The following SYT9 variants were observed in gnomAD, a reference collection of about 807,000 sequenced individuals.
SYT9 encodes the protein synaptotagmin 9.
In SYT9, 22 loss-of-function variants were observed where a neutral mutation model predicts 48.4. That is an observed-to-expected ratio of 0.45 (90% CI 0.32 to 0.65). The LOEUF (loss-of-function observed/expected upper bound fraction) is 0.65. Ranked by LOEUF, SYT9 falls within the 30% of genes least tolerant of loss-of-function variation. The probability of loss-of-function intolerance (pLI) is 0.03; values close to 1 mark genes in which losing one functional copy is unlikely to be tolerated. For synonymous variants in SYT9, 265 were observed against 245.0 expected, an observed-to-expected ratio of 1.08 and a Z score of -0.76; for missense variants, 577 against 622.0, an observed-to-expected ratio of 0.93 and a Z score of 0.77.
At position 7,313,909 on chromosome 11, in the gene SYT9, A is replaced by AT; in HGVS notation, c.1013dup (p.Leu339ProfsTer11). 1 of 1,613,694 alleles carries AT rather than the reference A, an allele frequency of 6.2e-7. No individual in the cohort carries two copies. The highest frequency in any genetic ancestry group is 8.5e-7 in the Non-Finnish European group (1 of 1,179,910). On this transcript the variant is annotated frameshift_variant, in exon 3 of 7. Coordinates refer to ENST00000318881, the MANE Select transcript of SYT9 (RefSeq NM_175733.4). LOFTEE classifies it high-confidence loss of function. ...CTTGGCTGATTTCCCCAGGGAGTGC[A>AT]TCCTTTGGAAGGATATCGAATATGT...
chr11:7,296,492 T>C (rs1006768481), intron 1 of SYT9, among the ~76,000 whole-genome samples: 1 of 152,238 alleles, frequency 6.6e-6, no homozygotes, highest in African/African-American at 2.4e-5. Flanking sequence ...TGGATCTAAG[T>C]TCTCCTTCAC....
chr11:7,429,614 AC>A (rs766375844), intron 6 of SYT9, among the ~76,000 whole-genome samples: 8 of 152,234 alleles, frequency 5.3e-5, no homozygotes, highest in Non-Finnish European at 8.8e-5. Context: ...TATTTAGGAT[AC>A]AGGTGAACAC....
At chr11:7,263,410 A>G (rs899695968) in intron 1 of SYT9, among the ~76,000 whole-genome samples, 8 of 152,148 alleles carry the variant, frequency 5.3e-5, no homozygotes, top group Admixed American at 3.9e-4. Context: ...AAAGGCCCCA[A>G]CTCTTAGCAT....
At chr11:7,369,230 T>C (rs11605692) in intron 3 of SYT9, among the ~76,000 whole-genome samples, 74,616 of 151,746 alleles carry the variant, frequency 0.49, 18,694 homozygotes, top group South Asian at 0.69. Context: ...TCTCTAATGA[T>C]GATGAGCTTT....
intron 1 of SYT9, among the ~76,000 whole-genome samples, chr11:7,299,875 C>T (rs542071530): frequency 1.4e-4 from 21 of 152,184 alleles, no homozygotes; most frequent in African/African-American, 4.8e-4. Flanking sequence ...TAAAGTGAGG[C>T]AGAACTTCAA....
intron 3 of SYT9, among the ~76,000 whole-genome samples, chr11:7,317,535 T>C (rs1849263843): frequency 6.6e-6 from 1 of 152,136 alleles, no homozygotes; most frequent in Non-Finnish European, 1.5e-5. Flanking sequence ...ACACTAATCC[T>C]ACAATGGGGG....
At chr11:7,335,938 A>C (rs970442121) in intron 3 of SYT9, among the ~76,000 whole-genome samples, 3 of 152,178 alleles carry the variant, frequency 2.0e-5, no homozygotes, top group Non-Finnish European at 4.4e-5. Flanking sequence ...ACGATGGTTG[A>C]ACTAATTTAC....
intron 1 of SYT9, among the ~76,000 whole-genome samples, chr11:7,279,895 C>G (rs142176110): frequency 2.4e-4 from 37 of 152,326 alleles, no homozygotes; most frequent in African/African-American, 8.9e-4. Flanking sequence ...GCCACTTATG[C>G]TGCAAAAGCA....
chr11:7,455,863 C>A (rs1360914489), intron 6 of SYT9, among the ~76,000 whole-genome samples: 1 of 152,076 alleles, frequency 6.6e-6, no homozygotes, highest in East Asian at 1.9e-4. Context: ...ATGGCCTTTC[C>A]CTGGGTCATG....
At chr11:7,441,390 ACTT>A (rs1456431949) in intron 6 of SYT9, 1 of 152,174 alleles carries the variant, frequency 6.6e-6, no homozygotes, top group African/African-American at 2.4e-5. Flanking sequence ...CAAAGTGAAA[ACTT>A]CTCCAGTTGC....
upstream of SYT9, among the ~76,000 whole-genome samples, chr11:7,247,581 A>G (rs61880867): frequency 0.22 from 31,576 of 146,552 alleles, 4,377 homozygotes; most frequent in Admixed American, 0.3. Flanking sequence ...ACATATACAT[A>G]TATATGTGTA....
intron 3 of SYT9, among the ~76,000 whole-genome samples, chr11:7,344,270 T>G (rs1406800330): frequency 1.3e-5 from 2 of 152,116 alleles, no homozygotes; most frequent in African/African-American, 4.8e-5. Context: ...TATTATTGAG[T>G]TGTGAGAGCT....
chr11:7,261,005 G>C (rs1412507792), intron 1 of SYT9, among the ~76,000 whole-genome samples: 1 of 152,202 alleles, frequency 6.6e-6, no homozygotes, highest in African/African-American at 2.4e-5. Flanking sequence ...GGGCCCAAGA[G>C]GGAATACGCA....
intron 3 of SYT9, among the ~76,000 whole-genome samples, chr11:7,386,182 G>A (rs1245207330): frequency 6.6e-6 from 1 of 151,808 alleles, no homozygotes; most frequent in Non-Finnish European, 1.5e-5. Flanking sequence ...ATATAAAAAA[G>A]CAATTTAAAC....
At chr11:7,264,060 CAG>C (rs1400406974) in intron 1 of SYT9, among the ~76,000 whole-genome samples, 1 of 151,990 alleles carries the variant, frequency 6.6e-6, no homozygotes, top group East Asian at 1.9e-4. Context: ...GTCATGAAGT[CAG>C]GGCAGAATAT....
intron 3 of SYT9, among the ~76,000 whole-genome samples, chr11:7,348,688 C>CTTTTTTTTTTTTTTTTTATTTTTTT (rs1849848469): frequency 2.1e-5 from 1 of 47,098 alleles, no homozygotes; most frequent in Non-Finnish European, 3.9e-5. Context: ...ATCAGACCTC[C>CTTTTTTTTTTTTTTTTTATTTTTTT]TTTTTTTTTT....
At chr11:7,282,227 G>A (rs1848507234) in intron 1 of SYT9, among the ~76,000 whole-genome samples, 1 of 152,080 alleles carries the variant, frequency 6.6e-6, no homozygotes, top group Admixed American at 6.6e-5. Flanking sequence ...TTTATAAAAT[G>A]AAAATAAGCA....
intron 6 of SYT9, chr11:7,435,138 A>G (rs1471198548): frequency 1.3e-5 from 2 of 152,340 alleles, no homozygotes; most frequent in Non-Finnish European, 2.9e-5. Context: ...AATCTAAACC[A>G]TCACTCACAG....
chr11:7,466,222 A>G (rs926069597), intron 6 of SYT9, among the ~76,000 whole-genome samples: 1 of 152,132 alleles, frequency 6.6e-6, no homozygotes, highest in African/African-American at 2.4e-5. Context: ...CTCAAGACTC[A>G]TCAATCAGAA....
Sources: gnomAD v4.1 joint callset for allele counts (sites outside exome capture counted in the v4.1 genomes callset) on GRCh38, gnomAD v4.1.1 for gene constraint, MANE v1.5 for transcripts, NCBI Gene and HGNC (gene_info 2026-07-23, HGNC 2026-07-21) for gene names.